Variants in FAM53A observed in about 807,000 individuals in gnomAD.
FAM53A encodes the protein protein FAM53A.
A neutral mutation model predicts 26.6 loss-of-function variants in FAM53A; 28 were observed. That is an observed-to-expected ratio of 1.05 (90% confidence interval 0.78 to 1.45). FAM53A has a LOEUF of 1.45. Among genes scored for constraint, FAM53A ranks in the 40% most tolerant of loss-of-function variants. The pLI is 0.00. For synonymous variants in FAM53A, 290 were observed against 253.1 expected (o/e 1.15, Z -1.38); for missense variants, 650 against 575.8 (o/e 1.13, Z -1.32).
chr4:1,681,075 G>A (rs1220913935), intron 1 of FAM53A, among the ~76,000 whole-genome samples: 1 of 152,132 alleles, frequency 6.6e-6, no homozygotes, highest in East Asian at 1.9e-4. Context: ...CATGTGTGAG[G>A]GCAGAAGGTA....
chr4:1,595,799 CAGGT>C, the FAM53A span, among the ~76,000 whole-genome samples: 1 of 152,200 alleles, frequency 6.6e-6, no homozygotes, highest in Non-Finnish European at 1.5e-5. Flanking sequence ...TGAGAGGCCT[CAGGT>C]AGGCCCATCT....
chr4:1,663,977 G>A (rs551225324), intron 2 of FAM53A, among the ~76,000 whole-genome samples: 5 of 152,342 alleles, frequency 3.3e-5, no homozygotes, highest in African/African-American at 1.2e-4. Flanking sequence ...GGGAGCGCAC[G>A]AGGCGGCAGC....
intron 4 of FAM53A, among the ~76,000 whole-genome samples, chr4:1,650,761 G>T (rs1278018102): frequency 3.3e-5 from 5 of 151,398 alleles, no homozygotes; most frequent in South Asian, 4.2e-4. Context: ...CTCCCAAGGT[G>T]CTGGGATTAC....
At chr4:1,643,256 G>A (rs1711905644) in intron 4 of FAM53A, among the ~76,000 whole-genome samples, 1 of 152,096 alleles carries the variant, frequency 6.6e-6, no homozygotes, top group South Asian at 2.1e-4. Flanking sequence ...CACGAGGTCA[G>A]GAGATCAAGA....
chr4:1,608,192 C>T, the FAM53A span, among the ~76,000 whole-genome samples: 5 of 130,298 alleles, frequency 3.8e-5, no homozygotes, highest in East Asian at 3.9e-4. Context: ...TGATGGTGCC[C>T]CTATGGCCCC....
the FAM53A span, among the ~76,000 whole-genome samples, chr4:1,594,465 G>A: frequency 2.4e-4 from 36 of 152,186 alleles, no homozygotes; most frequent in Non-Finnish European, 3.7e-4. Flanking sequence ...CACCCCCCAC[G>A]GTGGGGGTAT....
rs148001387 is a variant in FAM53A, at chr4:1,645,813, G to A, written c.883-4206C>T. ...CAGCAGCTACAAATTCCAGATTTTC[G>A]GTCTGCGCCGTCTCAAACATTCCAT... On this transcript the variant is annotated intron_variant, in intron 4 of 4. Coordinates refer to ENST00000308132, the MANE Select transcript of FAM53A (RefSeq NM_001174070.3). Among the ~76,000 whole-genome samples, 1,000 of 152,282 alleles carry A rather than the reference G, an allele frequency of 6.6e-3. 15 individuals carry two copies. Among genetic ancestry groups the A allele is most frequent in the Non-Finnish European group, 6.7e-3 (457 of 68,020 alleles).
chr4:1,661,019 A>G (rs1713795136), intron 2 of FAM53A, among the ~76,000 whole-genome samples: 1 of 152,070 alleles, frequency 6.6e-6, no homozygotes, highest in African/African-American at 2.4e-5. Context: ...CCAGCGGCAC[A>G]GTGAGCTTCC....
the FAM53A span, among the ~76,000 whole-genome samples, chr4:1,610,490 G>C: frequency 9.2e-5 from 14 of 152,196 alleles, no homozygotes; most frequent in Admixed American, 1.3e-4. Flanking sequence ...ATCCCAGCAG[G>C]GCCCCTGTTT....
At chr4:1,588,464 G>A in the FAM53A span, among the ~76,000 whole-genome samples, 1 of 152,272 alleles carries the variant, frequency 6.6e-6, no homozygotes, top group African/African-American at 2.4e-5. Context: ...AAGGCCCTGT[G>A]GTGCCCTCCT....
chr4:1,621,184 G>T (rs1181618634), intron 1 of FAM53A, among the ~76,000 whole-genome samples: 1 of 145,628 alleles, frequency 6.9e-6, no homozygotes, highest in Non-Finnish European at 1.5e-5. Context: ...CTCACTACAG[G>T]CTCCGCCCCC....
chr4:1,652,995 A>G (rs528049778), intron 4 of FAM53A, among the ~76,000 whole-genome samples: 6 of 148,806 alleles, frequency 4.0e-5, no homozygotes. Flanking sequence ...CACAACACAC[A>G]TCCCACACAC....
intron 1 of FAM53A, among the ~76,000 whole-genome samples, chr4:1,682,189 G>A (rs1235390900): frequency 6.6e-6 from 1 of 151,900 alleles, no homozygotes; most frequent in African/African-American, 2.4e-5. Flanking sequence ...ATGCTTAACA[G>A]ATTGTGAAAT....
chr4:1,613,472 A>C (rs62286191), downstream of FAM53A, among the ~76,000 whole-genome samples: 1 of 152,136 alleles, frequency 6.6e-6, no homozygotes, highest in South Asian at 2.1e-4. Context: ...TGTTGGAGCT[A>C]ATGTTTGAAC....
At chr4:1,607,353 T>G in the FAM53A span, among the ~76,000 whole-genome samples, 1 of 151,628 alleles carries the variant, frequency 6.6e-6, no homozygotes, top group East Asian at 2.0e-4. Flanking sequence ...ATAGCCATCC[T>G]AGTGGGTGTC....
the FAM53A span, among the ~76,000 whole-genome samples, chr4:1,577,610 C>A: frequency 1.3e-5 from 2 of 152,198 alleles, no homozygotes; most frequent in African/African-American, 4.8e-5. Context: ...TGGGCAGGTT[C>A]CCCGGCTGCC....
downstream of FAM53A, among the ~76,000 whole-genome samples, chr4:1,614,503 G>T (rs1459747835): frequency 6.7e-6 from 1 of 149,430 alleles, no homozygotes; most frequent in African/African-American, 2.5e-5. Context: ...ACGCAGAGAC[G>T]TGAGGGGGAT....
At chr4:1,589,563 C>T in the FAM53A span, among the ~76,000 whole-genome samples, 1 of 151,958 alleles carries the variant, frequency 6.6e-6, no homozygotes, top group Non-Finnish European at 1.5e-5. Context: ...ATTTGTTTTC[C>T]ATTTCAATTT....
chr4:1,633,289 G>A (rs1322909151), intron 1 of FAM53A, among the ~76,000 whole-genome samples: 1 of 152,168 alleles, frequency 6.6e-6, no homozygotes, highest in African/African-American at 2.4e-5. Flanking sequence ...TGAATGCAAA[G>A]GTCTAAAGAA....
Sources: allele counts gnomAD v4.1 joint callset (sites outside exome capture counted in the v4.1 genomes callset), GRCh38; gene constraint gnomAD v4.1.1; transcripts MANE v1.5; gene names NCBI Gene and HGNC (gene_info 2026-07-23, HGNC 2026-07-21).